The following MINPP1 variants were observed in gnomAD, a reference collection of about 807,000 sequenced individuals.
The protein encoded by MINPP1 is multiple inositol polyphosphate phosphatase 1.
Under a neutral mutation model 46.1 loss-of-function variants are expected in MINPP1, and 28 were observed. The observed-to-expected ratio is 0.61, with a 90% CI of 0.45 to 0.83. MINPP1 has a LOEUF of 0.83. MINPP1 is among the 40% of genes least tolerant of loss of function. The probability of loss-of-function intolerance (pLI) is 0.00; values close to 1 mark genes in which losing one functional copy is unlikely to be tolerated. For synonymous variants in MINPP1, 268 were observed against 249.1 expected (o/e 1.08, Z -0.72); for missense variants, 603 against 610.0 (o/e 0.99, Z 0.12).
intron 2 of MINPP1, among the ~76,000 whole-genome samples, chr10:87,511,375 G>C (rs74150479): frequency 0.031 from 4,674 of 152,004 alleles, 239 homozygotes; most frequent in African/African-American, 0.1. Flanking sequence ...TCCTCCCACC[G>C]CAAGATTATT....
chr10:87,511,655 A>G (rs1441090964), intron 2 of MINPP1, among the ~76,000 whole-genome samples: 2 of 152,212 alleles, frequency 1.3e-5, no homozygotes, highest in Non-Finnish European at 2.9e-5. Flanking sequence ...TGGTAAAGTC[A>G]GGTCTCAGCC....
intron 4 of MINPP1, among the ~76,000 whole-genome samples, chr10:87,530,152 T>G (rs1851636835): frequency 1.3e-5 from 2 of 152,232 alleles, no homozygotes; most frequent in Non-Finnish European, 2.9e-5. Flanking sequence ...GGTTCGAACA[T>G]CCTCCTTTAG....
rs754492763 is a variant in MINPP1 at position 87,505,173 on chromosome 10, C to T, written c.258C>T (p.Leu86=). The change falls in exon 1 of 5, where the codon CTC becomes CTT. Residue 86 remains leucine (L), a synonymous_variant. Coordinates refer to ENST00000371996, the MANE Select transcript of MINPP1 (RefSeq NM_004897.5). The surrounding 1 kb of genome is among the most constrained non-coding windows in gnomAD (Gnocchi z 4.4). The part of the protein sequence containing the change: ...GTCTPVQLVA[L]IRHGTRYPTV... ...GCACCCCGGTGCAGCTGGTCGCCCTCATTCGCCACGGCACCCGCTACCCCA... is the reference window on the plus strand; with the variant it reads ...GCACCCCGGTGCAGCTGGTCGCCCTTATTCGCCACGGCACCCGCTACCCCA... The T allele has an allele frequency of 1.9e-6, 3 of 1,609,342 alleles. No homozygotes were observed. Among genetic ancestry groups the T allele is most frequent in the East Asian group, 2.2e-5 (1 of 44,786 alleles).
chr10:87,540,711 A>G (rs549838493), intron 4 of MINPP1, among the ~76,000 whole-genome samples: 133 of 152,300 alleles, frequency 8.7e-4, no homozygotes, highest in African/African-American at 3.0e-3. Flanking sequence ...TGGTTCCTTC[A>G]AATAGTGATT....
At chr10:87,549,338 CAT>C (rs1003673394) in intron 4 of MINPP1, among the ~76,000 whole-genome samples, 3 of 152,098 alleles carry the variant, frequency 2.0e-5, no homozygotes, top group African/African-American at 7.2e-5. Context: ...TTATAGTTTT[CAT>C]GTGTGTGTTT....
At chr10:87,540,238 T>C (rs1851794556) in intron 4 of MINPP1, among the ~76,000 whole-genome samples, 1 of 152,216 alleles carries the variant, frequency 6.6e-6, no homozygotes, top group African/African-American at 2.4e-5. Flanking sequence ...ACTCTGTTTA[T>C]TGAATGGTAG....
chr10:87,507,786 A>G, intron 1 of MINPP1: 1 of 977,534 alleles, frequency 1.0e-6, no homozygotes. Context: ...AGATAAACCA[A>G]TTCACAGGCC....
intron 4 of MINPP1, among the ~76,000 whole-genome samples, chr10:87,529,505 A>T (rs1349457665): frequency 6.6e-6 from 1 of 151,798 alleles, no homozygotes; most frequent in Non-Finnish European, 1.5e-5. Flanking sequence ...TGGGTTGAAA[A>T]TTCTTTAAGA....
At chr10:87,545,341 A>C (rs916671108) in intron 4 of MINPP1, among the ~76,000 whole-genome samples, 1 of 151,916 alleles carries the variant, frequency 6.6e-6, no homozygotes, top group Non-Finnish European at 1.5e-5. Flanking sequence ...CAAACCAAGT[A>C]TATTCTTACC....
intron 4 of MINPP1, 137 bp downstream of exon 4, chr10:87,521,306 A>C (rs1851497953): frequency 3.1e-6 from 2 of 652,528 alleles, no homozygotes; most frequent in Non-Finnish European, 5.4e-6. Context: ...GATACAAAAG[A>C]ATTCGATAAC....
intron 4 of MINPP1, among the ~76,000 whole-genome samples, chr10:87,525,389 G>A (rs1851561785): frequency 6.6e-6 from 1 of 152,188 alleles, no homozygotes; most frequent in South Asian, 2.1e-4. Context: ...GATATAATAT[G>A]TGGTTCTTTG....
intron 4 of MINPP1, among the ~76,000 whole-genome samples, chr10:87,535,886 G>A (rs559182644): frequency 7.2e-5 from 11 of 152,216 alleles, no homozygotes; most frequent in African/African-American, 2.4e-4. Context: ...CCGTGATCAT[G>A]CCACTGTACT....
chr10:87,522,289 T>G (rs1162266092), intron 4 of MINPP1, among the ~76,000 whole-genome samples: 5 of 152,210 alleles, frequency 3.3e-5, no homozygotes, highest in Non-Finnish European at 5.9e-5. Flanking sequence ...ACTGAAAATG[T>G]TTTAAAATTA....
chr10:87,537,527 G>C (rs897064239), intron 4 of MINPP1, among the ~76,000 whole-genome samples: 7 of 151,222 alleles, frequency 4.6e-5, no homozygotes, highest in Non-Finnish European at 1.0e-4. Context: ...GTGTGTGTGT[G>C]TGTGTGTGTG....
At chr10:87,521,418 C>T (rs988177775) in intron 4 of MINPP1, among the ~76,000 whole-genome samples, 3 of 152,152 alleles carry the variant, frequency 2.0e-5, no homozygotes, top group Admixed American at 6.5e-5. Flanking sequence ...TCAACTATTC[C>T]ATTTTCCTGC....
At chr10:87,522,350 T>C (rs896584614) in intron 4 of MINPP1, among the ~76,000 whole-genome samples, 39 of 152,302 alleles carry the variant, frequency 2.6e-4, no homozygotes, top group African/African-American at 8.7e-4. Flanking sequence ...ATAATTGAAT[T>C]TTTTTAATTA....
At chr10:87,508,172 G>T in intron 1 of MINPP1, 164 bp from the exon 2 acceptor site, 1 of 1,543,604 alleles carries the variant, frequency 6.5e-7, no homozygotes, top group South Asian at 1.2e-5. Context: ...TATAAATGGG[G>T]AATAATTTTA....
At position 87,520,869 on chromosome 10, in the gene MINPP1, G is replaced by A. The variant is rs549378694; in HGVS notation, c.934-167G>A. Among the ~76,000 whole-genome samples, 14 of 152,154 alleles carry A rather than the reference G, an allele frequency of 9.2e-5. No homozygotes were observed. The South Asian group carries it at 2.7e-3, about 29-fold the overall frequency. The stretch of plus-strand genomic sequence containing the variant: ...GTGATGCAGCATAAATCTCTCTGTG[G>A]TATGAACCTTAGGGACCAACTCTTA... On this transcript the variant is annotated intron_variant, in intron 3 of 4. Coordinates refer to ENST00000371996, the MANE Select transcript of MINPP1 (RefSeq NM_004897.5).
intron 4 of MINPP1, among the ~76,000 whole-genome samples, chr10:87,528,480 C>A (rs569264130): frequency 7.7e-4 from 118 of 152,348 alleles, no homozygotes; most frequent in African/African-American, 2.7e-3. Flanking sequence ...AGTAGTCATT[C>A]AGGAGCAGTT....
Sources: gnomAD v4.1 joint callset for allele counts (sites outside exome capture counted in the v4.1 genomes callset) on GRCh38, gnomAD v4.1.1 for gene constraint, Gnocchi (gnomAD v3.1) non-coding constraint, MANE v1.5 for transcripts, NCBI Gene and HGNC (gene_info 2026-07-23, HGNC 2026-07-21) for gene names.